ANKRD30B: variants seen among roughly 807,000 people sequenced by gnomAD.
ANKRD30B encodes ankyrin repeat domain 30B.
A neutral mutation model predicts 202.2 loss-of-function variants in ANKRD30B; 144 were observed. The observed-to-expected ratio is 0.71, with a 90% CI of 0.62 to 0.82. The LOEUF is 0.82. Among genes scored for constraint, ANKRD30B ranks in the 40% least tolerant of loss-of-function variants. The pLI is 0.00. For missense variants in ANKRD30B, 1,487 were observed against 1,669.1 expected (o/e 0.89, Z 1.90); for synonymous variants, 508 against 561.3 (o/e 0.91, Z 1.34).
Position 14,748,410 on chromosome 18 carries a change from G to T in ANKRD30B, c.-10G>T, listed in dbSNP as rs1174333349. The T allele has an allele frequency of 7.4e-6, 11 of 1,478,294 alleles. No homozygotes were observed. Among genetic ancestry groups the T allele is most frequent in the African/African-American group, 1.4e-5 (1 of 70,600 alleles). 91.6% of individuals were successfully genotyped at this position (1,478,294 alleles called of 1,614,324 possible). ...GAGGCGCGGGCTCTCTCTAGCAGGG[G>T]GCTGCAGCCATGAAGAGGCTCTTAG... On this transcript the variant is annotated 5_prime_UTR_variant, in exon 1 of 44. Transcript: ENST00000690538.
the ANKRD30B span, among the ~76,000 whole-genome samples, chr18:14,884,328 T>C: frequency 6.6e-6 from 1 of 151,802 alleles, no homozygotes; most frequent in Non-Finnish European, 1.5e-5. Context: ...AATATTGAGA[T>C]AGATGACTAC....
chr18:14,831,181 G>GAAAAAAAAAAAAAA (rs71305894), intron 33 of ANKRD30B, among the ~76,000 whole-genome samples: 9 of 52,352 alleles, frequency 1.7e-4, no homozygotes, highest in Non-Finnish European at 2.7e-4. Context: ...CTCCGTCTCG[G>GAAAAAAAAAAAAAA]AAAAAAAAAA....
chr18:14,784,987 G>C (rs1051079648), intron 14 of ANKRD30B, among the ~76,000 whole-genome samples: 1 of 151,988 alleles, frequency 6.6e-6, no homozygotes, highest in African/African-American at 2.4e-5. Context: ...TCAGTAACTC[G>C]GATCAGTGAA....
intron 37 of ANKRD30B, among the ~76,000 whole-genome samples, chr18:14,841,920 A>G (rs1206569901): frequency 6.6e-6 from 1 of 152,220 alleles, no homozygotes; most frequent in African/African-American, 2.4e-5. Context: ...TGTTGATATT[A>G]GCTATTCAAA....
the ANKRD30B span, among the ~76,000 whole-genome samples, chr18:14,873,114 A>G: frequency 9.2e-5 from 14 of 152,366 alleles, no homozygotes; most frequent in South Asian, 2.9e-3. Context: ...ACGTAGGAAG[A>G]GAGCCTCAGA....
At chr18:14,925,845 C>T in the ANKRD30B span, among the ~76,000 whole-genome samples, 2 of 152,262 alleles carry the variant, frequency 1.3e-5, no homozygotes, top group South Asian at 4.1e-4. Context: ...CTGGAACTGA[C>T]CAAAAGAAGG....
chr18:14,909,809 A>G, the ANKRD30B span: 1 of 152,176 alleles, frequency 6.6e-6, no homozygotes, highest in Non-Finnish European at 1.5e-5. Context: ...GTGGCTGGGT[A>G]GGATTTGTAT....
intron 32 of ANKRD30B, among the ~76,000 whole-genome samples, chr18:14,826,689 T>TCACACACACA (rs1324783952): frequency 2.2e-3 from 51 of 22,692 alleles, no homozygotes; most frequent in South Asian, 0.013. Context: ...TCTCTCTCTC[T>TCACACACACA]CTCTCACACA....
At position 14,748,613 on chromosome 18, in the gene ANKRD30B, A is replaced by G. The variant is rs1437577172; in HGVS notation, c.194A>G (p.Asn65Ser). 8.3e-6 allele frequency: 13 copies of G among 1,566,658 alleles called. No individual in the cohort carries two copies. Among genetic ancestry groups the G allele is most frequent in the Non-Finnish European group, 1.0e-5 (12 of 1,155,660 alleles). The part of the protein sequence containing the change: ...EKMTVGKKPV[N>S]LNKRDMKKRT... Reference sequence around the variant, plus strand: ...ATGACAGTAGGGAAGAAGCCCGTCAACCTGAACAAAAGAGATATGAAGAAG... The same window carrying G: ...ATGACAGTAGGGAAGAAGCCCGTCAGCCTGAACAAAAGAGATATGAAGAAG... The change falls in exon 1 of 44, where the codon AAC (asparagine) becomes AGC (serine). Residue 65 changes from asparagine to serine, a missense_variant. Physicochemically the swap from Asn to Ser is conservative, Grantham distance 46 (BLOSUM62 1). Around this residue, in one of 6 missense-constraint regions of ANKRD30B, gnomAD observed 889 missense variants for 841.4 expected, o/e 1.06. Coordinates refer to ENST00000690538, the MANE Select transcript of ANKRD30B (RefSeq NM_001367607.2).
chr18:14,783,143 A>G (rs1020734591), intron 12 of ANKRD30B, among the ~76,000 whole-genome samples: 12 of 152,122 alleles, frequency 7.9e-5, no homozygotes, highest in Non-Finnish European at 1.3e-4. Context: ...GCAGAATTGT[A>G]TTTTATTTGC....
intron 1 of ANKRD30B, among the ~76,000 whole-genome samples, chr18:14,751,678 T>A (rs1913479088): frequency 6.6e-6 from 1 of 152,158 alleles, no homozygotes; most frequent in Admixed American, 6.5e-5. Flanking sequence ...AAATGAGCCA[T>A]ACCTATTTAT....
At position 14,754,888 on chromosome 18, in the gene ANKRD30B, C is replaced by G. The variant is rs1380400693; in HGVS notation, c.511-11C>G. On this transcript the variant is annotated splice_polypyrimidine_tract_variant and intron_variant, in intron 3 of 43. Transcript: ENST00000690538. ...ATTTCATGAATTATATATTGTTCTG[C>G]TATTTTACAGGCTAGCCTCACACCC... 4.7e-6 allele frequency: 7 copies of G among 1,497,638 alleles called. No homozygotes were observed. The highest frequency in any genetic ancestry group is 6.2e-6 in the Non-Finnish European group (7 of 1,122,496). 92.8% of individuals were successfully genotyped at this position (1,497,638 alleles called of 1,614,324 possible).
the ANKRD30B span, among the ~76,000 whole-genome samples, chr18:14,930,674 C>A: frequency 3.9e-5 from 6 of 152,218 alleles, no homozygotes; most frequent in South Asian, 1.2e-3. Context: ...CCTGGAGTCT[C>A]CCCAACCCAC....
At chr18:14,843,201 G>C in intron 39 of ANKRD30B, 105 bp downstream of exon 39, 1 of 1,215,876 alleles carries the variant, frequency 8.2e-7, no homozygotes, top group South Asian at 1.9e-5. Flanking sequence ...GGAAATATTT[G>C]AGTTAATAAT....
chr18:14,860,314 CA>C, the ANKRD30B span, among the ~76,000 whole-genome samples: 1 of 134,068 alleles, frequency 7.5e-6, no homozygotes, highest in African/African-American at 2.8e-5. Context: ...CCAGACGGGG[CA>C]GCCAGGCAGT....
At position 14,849,409 on chromosome 18, in the gene ANKRD30B, G is replaced by A. The variant is rs1261198324; in HGVS notation, c.3395+480G>A. ...CAGTTCAACAAAGACAGTGTGAAAC[G>A]GCCATTCTTCTCTCTCCAAGAATCA... On this transcript the variant is annotated intron_variant, in intron 40 of 43. Transcript: ENST00000690538. Among the ~76,000 whole-genome samples the A allele has an allele frequency of 6.6e-5, 10 of 151,634 alleles. No individual in the cohort carries two copies. The South Asian group carries it at 1.0e-3, about 16-fold the overall frequency.
At chr18:14,912,160 T>C in the ANKRD30B span, among the ~76,000 whole-genome samples, 2,328 of 152,304 alleles carry the variant, frequency 0.015, 70 homozygotes, top group African/African-American at 0.054. Context: ...CTATGTTGAG[T>C]AAGAGTGATC....
At position 14,784,366 on chromosome 18, in the gene ANKRD30B, T is replaced by C; in HGVS notation, c.1599+2T>C. 1 of 1,612,764 alleles carries C rather than the reference T, an allele frequency of 6.2e-7. No individual in the cohort carries two copies. The highest frequency in any genetic ancestry group is 8.5e-7 in the Non-Finnish European group (1 of 1,179,116). On this transcript the variant is annotated splice_donor_variant, in intron 13 of 43. Coordinates refer to ENST00000690538, the MANE Select transcript of ANKRD30B (RefSeq NM_001367607.2). LOFTEE classifies it high-confidence loss of function. ...CCTGAGAAGCCATCTGCCTTCAAGG[T>C]ATTTAGTTTTATGGTTTCATTTTGA...
the ANKRD30B span, among the ~76,000 whole-genome samples, chr18:14,882,209 CTGTT>C: frequency 6.6e-6 from 1 of 152,154 alleles, no homozygotes; most frequent in Admixed American, 6.5e-5. Flanking sequence ...CTTAGATTGT[CTGTT>C]TGTGCTCTTT....
Sources: gnomAD v4.1 joint callset for allele counts (sites outside exome capture counted in the v4.1 genomes callset) on GRCh38, gnomAD v4.1.1 for gene constraint, gnomAD v4.1.1 regional missense constraint, MANE v1.5 for transcripts, NCBI Gene and HGNC (gene_info 2026-07-23, HGNC 2026-07-21) for gene names.